The following SV2C variants were observed in gnomAD, a reference collection of about 807,000 sequenced individuals.
SV2C encodes the protein synaptic vesicle glycoprotein 2C.
SV2C carries 49 observed loss-of-function variants against 79.7 expected under a neutral mutation model. That is an observed-to-expected ratio of 0.61 (90% confidence interval 0.49 to 0.78). The LOEUF (loss-of-function observed/expected upper bound fraction) is 0.78, where lower values mean the gene tolerates loss of function less well. Ranked by LOEUF, SV2C falls within the 30% of genes least tolerant of loss-of-function variation. The pLI, the probability that SV2C is intolerant of heterozygous loss-of-function variation, is 0.00. For synonymous variants in SV2C, 334 were observed against 333.2 expected, an observed-to-expected ratio of 1.00 and a Z score of -0.03; for missense variants, 833 against 912.9, an observed-to-expected ratio of 0.91 and a Z score of 1.13.
intron 6 of SV2C, chr5:76,286,572 A>G (rs953346316): frequency 1.4e-4 from 22 of 152,264 alleles, no homozygotes; most frequent in African/African-American, 5.3e-4. Flanking sequence ...AAACAATTAT[A>G]CTAAGGATCA....
the SV2C span, among the ~76,000 whole-genome samples, chr5:75,968,607 G>A: frequency 6.6e-6 from 1 of 152,178 alleles, no homozygotes; most frequent in Non-Finnish European, 1.5e-5. Context: ...GAAATGAAGT[G>A]TGAAGAGAAG....
At chr5:76,145,040 AG>A (rs1230141642) in intron 2 of SV2C, among the ~76,000 whole-genome samples, 1 of 152,212 alleles carries the variant, frequency 6.6e-6, no homozygotes, top group Non-Finnish European at 1.5e-5. Flanking sequence ...TACAGCCACC[AG>A]GGATTTTGTG....
chr5:76,225,352 A>G (rs1745204756), intron 4 of SV2C, among the ~76,000 whole-genome samples: 1 of 152,220 alleles, frequency 6.6e-6, no homozygotes, highest in African/African-American at 2.4e-5. Flanking sequence ...TCAGCCCTCA[A>G]GGAGCTCTTC....
chr5:76,140,492 A>G (rs1054533089), intron 2 of SV2C, among the ~76,000 whole-genome samples: 6 of 152,178 alleles, frequency 3.9e-5, no homozygotes, highest in Non-Finnish European at 8.8e-5. Context: ...TGAAAACAAC[A>G]GCTTCAAGTT....
intron 3 of SV2C, among the ~76,000 whole-genome samples, chr5:76,200,550 C>T (rs1371475909): frequency 6.6e-6 from 1 of 152,194 alleles, no homozygotes; most frequent in Non-Finnish European, 1.5e-5. Flanking sequence ...TTTCCAGTTG[C>T]TGTGTCTTAT....
the SV2C span, among the ~76,000 whole-genome samples, chr5:76,040,675 T>C: frequency 2.6e-5 from 4 of 152,174 alleles, no homozygotes; most frequent in African/African-American, 9.7e-5. Flanking sequence ...GGGCTGAATG[T>C]GAACAGTTGC....
At chr5:76,186,004 C>T (rs1034968088) in intron 2 of SV2C, among the ~76,000 whole-genome samples, 1 of 152,214 alleles carries the variant, frequency 6.6e-6, no homozygotes, top group African/African-American at 2.4e-5. Context: ...CCTAAATCAT[C>T]TTTCTCAAGT....
chr5:75,875,975 T>C, the SV2C span, among the ~76,000 whole-genome samples: 5 of 151,872 alleles, frequency 3.3e-5, no homozygotes, highest in Middle Eastern at 0.01. Context: ...ACACTGTTGG[T>C]GGGAGTGTAA....
intron 4 of SV2C, among the ~76,000 whole-genome samples, chr5:76,256,725 C>G (rs1465380759): frequency 6.6e-6 from 1 of 152,164 alleles, no homozygotes; most frequent in African/African-American, 2.4e-5. Flanking sequence ...AGCAAGAATC[C>G]TGCCTGCTAC....
the SV2C span, among the ~76,000 whole-genome samples, chr5:76,035,163 G>T: frequency 6.6e-6 from 1 of 150,514 alleles, no homozygotes; most frequent in Non-Finnish European, 1.5e-5. Context: ...TCTTGCTAGC[G>T]GTCTATCAAT....
chr5:76,090,922 G>A (rs1427874495), intron 1 of SV2C, among the ~76,000 whole-genome samples: 1 of 152,178 alleles, frequency 6.6e-6, no homozygotes, highest in African/African-American at 2.4e-5. Context: ...GCAGTGGGTA[G>A]AGAAGGTGAC....
chr5:76,226,950 GA>G (rs908106205), intron 4 of SV2C, among the ~76,000 whole-genome samples: 28 of 152,148 alleles, frequency 1.8e-4, no homozygotes, highest in South Asian at 4.1e-4. Context: ...GGCCCCACAG[GA>G]AAAGAGTTCC....
chr5:76,230,465 T>C (rs927023544), intron 4 of SV2C, among the ~76,000 whole-genome samples: 6 of 152,220 alleles, frequency 3.9e-5, no homozygotes, highest in Admixed American at 3.9e-4. Context: ...ATTTTAATTA[T>C]TCATGTAGGC....
the SV2C span, chr5:75,910,264 A>G: frequency 1.1e-5 from 5 of 474,460 alleles, no homozygotes; most frequent in Non-Finnish European, 2.0e-5. Context: ...CCTCATCTCT[A>G]CAAAAAATAA....
At chr5:75,999,657 T>C in the SV2C span, among the ~76,000 whole-genome samples, 70,395 of 151,156 alleles carry the variant, frequency 0.47, 17,209 homozygotes, top group Middle Eastern at 0.63. Flanking sequence ...TCTGCCTTTT[T>C]TTTTTTTTCT....
At chr5:75,921,261 G>T in the SV2C span, 5 of 1,466,686 alleles carry the variant, frequency 3.4e-6, no homozygotes, top group Admixed American at 1.8e-5. Flanking sequence ...AGGATCTGCA[G>T]GTCCTCCAGG....
rs538192022 is a variant in SV2C, at chr5:76,261,492, G to A, written c.914-23670G>A. ...TTCCAATTCTATGTTGAATAGGAGC[G>A]GTGAGAAAGGGCATCCTTGTCTTGT... On this transcript the variant is annotated intron_variant, in intron 4 of 12. Transcript: ENST00000502798. Among the ~76,000 whole-genome samples the A allele has an allele frequency of 5.1e-4, 77 of 152,162 alleles. 1 individual carries two copies. In the South Asian group the frequency reaches 0.01, roughly 20 times the overall value.
At chr5:75,869,509 C>A in the SV2C span, among the ~76,000 whole-genome samples, 1 of 152,142 alleles carries the variant, frequency 6.6e-6, no homozygotes, top group African/African-American at 2.4e-5. Flanking sequence ...ACCAGGTAGA[C>A]CCCTAAGATC....
the SV2C span, among the ~76,000 whole-genome samples, chr5:76,029,016 G>C: frequency 2.6e-5 from 4 of 152,162 alleles, no homozygotes; most frequent in Admixed American, 2.6e-4. Flanking sequence ...AGTGGCTGTG[G>C]AGTGAACAAA....
Sources: gnomAD v4.1 joint callset for allele counts (sites outside exome capture counted in the v4.1 genomes callset) on GRCh38, gnomAD v4.1.1 for gene constraint, MANE v1.5 for transcripts, NCBI Gene and HGNC (gene_info 2026-07-23, HGNC 2026-07-21) for gene names.